The following SPECC1 variants were observed in gnomAD, a reference collection of about 807,000 sequenced individuals.
SPECC1 encodes the protein cytospin-B.
SPECC1 carries 62 observed loss-of-function variants against 104.1 expected under a neutral mutation model. The ratio of observed to expected loss-of-function variants is 0.60; its 90% CI spans 0.49 to 0.74. The LOEUF is 0.74. Among genes scored for constraint, SPECC1 ranks in the 30% least tolerant of loss-of-function variants. SPECC1 has a pLI of 0.00. For missense variants in SPECC1, 1,306 were observed against 1,310.5 expected, an observed-to-expected ratio of 1.00 and a Z score of 0.05; for synonymous variants, 513 against 501.6, an observed-to-expected ratio of 1.02 and a Z score of -0.30.
chr17:20,047,530 T>C (rs765622840), intron 1 of SPECC1, among the ~76,000 whole-genome samples: 1 of 152,238 alleles, frequency 6.6e-6, no homozygotes, highest in Non-Finnish European at 1.5e-5. Flanking sequence ...AAATTTTCTT[T>C]TCCTGTGCCA....
intron 1 of SPECC1, among the ~76,000 whole-genome samples, chr17:20,072,236 T>A (rs1309721761): frequency 6.6e-6 from 1 of 152,244 alleles, no homozygotes. Context: ...CCATTCCTGA[T>A]GACATCATTG....
chr17:20,146,861 G>A (rs1006545732), intron 3 of SPECC1, among the ~76,000 whole-genome samples: 1 of 152,036 alleles, frequency 6.6e-6, no homozygotes, highest in African/African-American at 2.4e-5. Context: ...AGCTGAGATT[G>A]CACCACTGCA....
intron 1 of SPECC1, among the ~76,000 whole-genome samples, chr17:20,028,505 G>C (rs1305095158): frequency 1.3e-5 from 2 of 151,874 alleles, no homozygotes; most frequent in Non-Finnish European, 2.9e-5. Context: ...AAATAGAAAA[G>C]CACTTACCAT....
chr17:20,301,971 TTCTGG>T (rs372499820), intron 13 of SPECC1, among the ~76,000 whole-genome samples: 296 of 152,346 alleles, frequency 1.9e-3, no homozygotes, highest in African/African-American at 6.9e-3. Context: ...CTCCCAATAG[TTCTGG>T]GATTACAGTG....
At chr17:20,222,020 T>TC (rs1286068041) in intron 4 of SPECC1, among the ~76,000 whole-genome samples, 1 of 151,350 alleles carries the variant, frequency 6.6e-6, no homozygotes, top group East Asian at 1.9e-4. Context: ...ATTTCAGTTT[T>TC]TTTTTTTTTT....
chr17:20,084,748 T>C (rs1370076467), intron 1 of SPECC1, among the ~76,000 whole-genome samples: 1 of 152,244 alleles, frequency 6.6e-6, no homozygotes. Context: ...CTAGAGGTTT[T>C]CTAGTTTCAG....
chr17:20,172,772 AAG>A (rs374751009), intron 3 of SPECC1, among the ~76,000 whole-genome samples: 45 of 152,334 alleles, frequency 3.0e-4, no homozygotes, highest in African/African-American at 1.0e-3. Flanking sequence ...TCAAGGCTGT[AAG>A]AGTCAGATCT....
At chr17:20,053,194 T>C (rs1170455196) in intron 1 of SPECC1, among the ~76,000 whole-genome samples, 1 of 152,200 alleles carries the variant, frequency 6.6e-6, no homozygotes, top group Non-Finnish European at 1.5e-5. Context: ...TCTAACTCAA[T>C]AGTTAAAGTT....
chr17:20,271,801 C>T (rs1481425630), intron 12 of SPECC1, among the ~76,000 whole-genome samples: 1 of 148,492 alleles, frequency 6.7e-6, no homozygotes, highest in East Asian at 2.0e-4. Flanking sequence ...CCTTCAGTAT[C>T]TCCCTGAGAA....
chr17:20,155,183 C>A (rs143556458), intron 3 of SPECC1, among the ~76,000 whole-genome samples: 1 of 152,080 alleles, frequency 6.6e-6, no homozygotes, highest in South Asian at 2.1e-4. Context: ...ACAAAGGGGA[C>A]TGGGAAGAGG....
chr17:20,188,894 T>C (rs1036493318), intron 3 of SPECC1, among the ~76,000 whole-genome samples: 1 of 152,180 alleles, frequency 6.6e-6, no homozygotes, highest in East Asian at 1.9e-4. Flanking sequence ...AAACAGGATT[T>C]TGCGTGCCCA....
chr17:20,218,585 CTT>C (rs2037657306), intron 4 of SPECC1, among the ~76,000 whole-genome samples: 1 of 152,110 alleles, frequency 6.6e-6, no homozygotes, highest in Non-Finnish European at 1.5e-5. Context: ...TTCTCTCTCT[CTT>C]CTCCTGTCCT....
chr17:20,178,811 T>A lies in SPECC1; in HGVS notation c.284-25522T>A, dbSNP rs147392697. On this transcript the variant is annotated intron_variant, in intron 3 of 14. Coordinates refer to ENST00000395527, the MANE Select transcript of SPECC1 (RefSeq NM_001243439.2). ...ATCGTATTATAAAAGAAGAAACCCA[T>A]CTGAGCTGAATAAAATGTTAGACTT... Among the ~76,000 whole-genome samples the A allele has an allele frequency of 3.8e-3, 578 of 152,358 alleles. 10 individuals carry two copies. Among genetic ancestry groups the A allele is most frequent in the Non-Finnish European group, 2.8e-3 (188 of 68,028 alleles).
Position 20,143,253 on chromosome 17 carries a change from G to A in SPECC1, c.283+32691G>A, listed in dbSNP as rs556659633. On this transcript the variant is annotated intron_variant, in intron 3 of 14. Coordinates refer to ENST00000395527, the MANE Select transcript of SPECC1 (RefSeq NM_001243439.2). ...TACAAAACTTTAGCCAACCGTGGTG[G>A]TACGTGCCTGTGGTCCCAGCTACTC... 5.3e-5 allele frequency among the ~76,000 whole-genome samples: 8 copies of A among 151,956 alleles called. No homozygotes were observed. In the East Asian group the frequency reaches 5.8e-4, roughly 11 times the overall value.
chr17:20,297,002 C>T lies in SPECC1; in HGVS notation c.2982C>T (p.Gly994=), dbSNP rs2041375843. ...ATTTCAGCAGCAGCTGGAGCGATGG[C>T]CTGGCCTTCTGTGCTCTGCTCCACA... The part of the protein sequence containing the change: ...ITNFSSSWSD[G]LAFCALLHTY... The change falls in exon 13 of 15, where the codon GGC becomes GGT. Residue 994 remains glycine (G), a synonymous_variant. Transcript: ENST00000395527. 1.9e-6 allele frequency: 3 copies of T among 1,614,174 alleles called. No homozygotes were observed. The highest frequency in any genetic ancestry group is 2.5e-6 in the Non-Finnish European group (3 of 1,180,038).
chr17:20,273,560 C>T (rs1018621106), intron 12 of SPECC1, among the ~76,000 whole-genome samples: 1 of 152,054 alleles, frequency 6.6e-6, no homozygotes. Context: ...CTGCATCACT[C>T]ATGCCTCCAC....
intron 12 of SPECC1, chr17:20,290,108 A>G (rs1309663633): frequency 2.0e-5 from 3 of 151,868 alleles, no homozygotes; most frequent in Non-Finnish European, 4.4e-5. Flanking sequence ...CCCCCAGAGC[A>G]CCACCAGTGC....
rs576547971 is a variant in SPECC1 at position 20,168,808 on chromosome 17, A to G, written c.284-35525A>G. Among the ~76,000 whole-genome samples the G allele has an allele frequency of 2.2e-4, 34 of 152,308 alleles. No homozygotes were observed. The South Asian group carries it at 3.3e-3, about 15-fold the overall frequency. On this transcript the variant is annotated intron_variant, in intron 3 of 14. Coordinates refer to ENST00000395527, the MANE Select transcript of SPECC1 (RefSeq NM_001243439.2). ...TTGAATGATTCAGATATGTATGTGT[A>G]TGCTTATATGATGTAGATGTATATG...
At chr17:20,031,831 G>A (rs924895315) in intron 1 of SPECC1, among the ~76,000 whole-genome samples, 3 of 152,120 alleles carry the variant, frequency 2.0e-5, no homozygotes, top group African/African-American at 7.2e-5. Context: ...GCATGTGTCA[G>A]AATTTCATTC....
Sources: gnomAD v4.1 joint callset for allele counts (sites outside exome capture counted in the v4.1 genomes callset) on GRCh38, gnomAD v4.1.1 for gene constraint, MANE v1.5 for transcripts, NCBI Gene and HGNC (gene_info 2026-07-23, HGNC 2026-07-21) for gene names.